Variants in SELENOF observed in about 807,000 individuals in gnomAD.
SELENOF encodes the protein selenoprotein F.
Under a neutral mutation model 20.5 loss-of-function variants are expected in SELENOF, and 16 were observed. That is an observed-to-expected ratio of 0.78 (90% CI 0.53 to 1.19). The LOEUF (loss-of-function observed/expected upper bound fraction) is 1.19, where lower values mean the gene tolerates loss of function less well. Ranked by LOEUF, SELENOF falls within the 50% of genes most tolerant of loss-of-function variation. The pLI, the probability that SELENOF is intolerant of heterozygous loss-of-function variation, is 0.00. For synonymous variants in SELENOF, 78 were observed against 74.5 expected (o/e 1.05, Z -0.24); for missense variants, 215 against 194.2 (o/e 1.11, Z -0.64).
rs1202058538 is a variant in SELENOF, at chr1:86,864,797, C to T, written c.367-1192G>A. 2.6e-5 allele frequency among the ~76,000 whole-genome samples: 4 copies of T among 151,934 alleles called. No homozygotes were observed. In the East Asian group the frequency reaches 5.8e-4, roughly 22 times the overall value. The stretch of plus-strand genomic sequence containing the variant: ...GATTACAGGCCCCTGCTACCACACC[C>T]GGCATTTTGTATTTTTAGTAGAGAT... On this transcript the variant is annotated intron_variant, in intron 4 of 4. Transcript: ENST00000331835.
chr1:86,880,009 A>G (rs1017657365), intron 3 of SELENOF, among the ~76,000 whole-genome samples: 1 of 151,386 alleles, frequency 6.6e-6, no homozygotes, highest in Non-Finnish European at 1.5e-5. Context: ...AATAAACTAC[A>G]GCGGTGTGCT....
At position 86,892,043 on chromosome 1, in the gene SELENOF, G is replaced by T. The variant is rs1659396677; in HGVS notation, c.252+11238C>A. Among the ~76,000 whole-genome samples the T allele has an allele frequency of 2.0e-5, 3 of 151,628 alleles. No individual in the cohort carries two copies. The South Asian group carries it at 6.3e-4, about 32-fold the overall frequency. On this transcript the variant is annotated intron_variant, in intron 2 of 4. Transcript: ENST00000331835. ...CCTCCCAGGTTCAAGCGATTCTCCT[G>T]CCTCAGCCTCTGGAGTAGCTGAGAT...
upstream of SELENOF, chr1:86,914,371 G>C (rs1048821448): frequency 5.7e-6 from 3 of 525,026 alleles, no homozygotes; most frequent in South Asian, 2.2e-5. Flanking sequence ...ACGACACTTC[G>C]TCAAGCAGCC....
rs534886708 is a variant in SELENOF at position 86,888,468 on chromosome 1, T to C, written c.253-7743A>G. 7.9e-5 allele frequency among the ~76,000 whole-genome samples: 12 copies of C among 152,060 alleles called. No individual in the cohort carries two copies. In the East Asian group the frequency reaches 2.3e-3, roughly 29 times the overall value. Reference sequence around the variant, plus strand: ...TTTAAAAATTTTTGTAGAGATGGGGTCTTGCTATGTTGCCCAGGTTGGTCT... The same window carrying C: ...TTTAAAAATTTTTGTAGAGATGGGGCCTTGCTATGTTGCCCAGGTTGGTCT... On this transcript the variant is annotated intron_variant, in intron 2 of 4. Coordinates refer to ENST00000331835, the MANE Select transcript of SELENOF (RefSeq NM_004261.5).
At chr1:86,899,671 G>A (rs1431474480) in intron 2 of SELENOF, among the ~76,000 whole-genome samples, 19 of 151,536 alleles carry the variant, frequency 1.3e-4, no homozygotes, top group Non-Finnish European at 2.9e-5. Context: ...CGGATGGGGC[G>A]GCTGGCCTGG....
intron 3 of SELENOF, among the ~76,000 whole-genome samples, chr1:86,876,750 T>C (rs1475403490): frequency 6.6e-6 from 1 of 152,090 alleles, no homozygotes; most frequent in Admixed American, 6.5e-5. Flanking sequence ...GTGCAGGCAG[T>C]AGAAGAGATG....
chr1:86,881,414 G>T (rs1659066196), intron 2 of SELENOF, among the ~76,000 whole-genome samples: 1 of 152,138 alleles, frequency 6.6e-6, no homozygotes, highest in Admixed American at 6.5e-5. Context: ...GGATTCAATG[G>T]TAAACACCAC....
chr1:86,892,183 G>A (rs1039714684), intron 2 of SELENOF, among the ~76,000 whole-genome samples: 3 of 151,586 alleles, frequency 2.0e-5, no homozygotes, highest in Non-Finnish European at 2.9e-5. Flanking sequence ...CCACCCCCCC[G>A]GCACGTTGCC....
At chr1:86,890,189 T>C (rs1557463717) in intron 2 of SELENOF, among the ~76,000 whole-genome samples, 1 of 152,216 alleles carries the variant, frequency 6.6e-6, no homozygotes, top group Non-Finnish European at 1.5e-5. Flanking sequence ...CTCATGCCTC[T>C]GTGCCTTTCC....
chr1:86,894,706 G>C (rs544706078), intron 2 of SELENOF, among the ~76,000 whole-genome samples: 2 of 152,104 alleles, frequency 1.3e-5, no homozygotes, highest in African/African-American at 4.8e-5. Flanking sequence ...GGGTGATGAC[G>C]CATGTCAATA....
At chr1:86,865,871 C>T (rs781681753) in intron 4 of SELENOF, among the ~76,000 whole-genome samples, 1 of 152,008 alleles carries the variant, frequency 6.6e-6, no homozygotes, top group Non-Finnish European at 1.5e-5. Flanking sequence ...ATGGAAGCAA[C>T]TCAAATGTCC....
At chr1:86,878,655 G>A (rs527933590) in intron 3 of SELENOF, among the ~76,000 whole-genome samples, 2 of 152,304 alleles carry the variant, frequency 1.3e-5, no homozygotes, top group African/African-American at 4.8e-5. Flanking sequence ...GCACTCCAGT[G>A]TGGGCGACAG....
chr1:86,871,253 A>T (rs527490545), intron 3 of SELENOF, among the ~76,000 whole-genome samples: 22 of 152,250 alleles, frequency 1.4e-4, no homozygotes, highest in Non-Finnish European at 2.9e-4. Context: ...AAATAAAAAG[A>T]TAAGGTGATA....
chr1:86,875,188 C>T (rs982632398), intron 3 of SELENOF, among the ~76,000 whole-genome samples: 2 of 151,724 alleles, frequency 1.3e-5, no homozygotes, highest in Admixed American at 6.6e-5. Context: ...TTGCAGTGAG[C>T]CGAGATCACG....
chr1:86,864,128 A>G (rs1238020613), intron 4 of SELENOF, among the ~76,000 whole-genome samples: 2 of 152,208 alleles, frequency 1.3e-5, no homozygotes, highest in East Asian at 1.9e-4. Flanking sequence ...AAATGATGGT[A>G]TAAGAGCAAT....
intron 3 of SELENOF, among the ~76,000 whole-genome samples, chr1:86,868,970 C>A (rs185022527): frequency 6.6e-6 from 1 of 152,060 alleles, no homozygotes; most frequent in Admixed American, 6.6e-5. Flanking sequence ...GCAATATGTA[C>A]AAATATACAA....
intron 4 of SELENOF, among the ~76,000 whole-genome samples, chr1:86,866,448 G>T (rs1658597952): frequency 6.6e-6 from 1 of 151,848 alleles, no homozygotes; most frequent in African/African-American, 2.4e-5. Flanking sequence ...GCTGGCAGGA[G>T]GGCGGGGGTG....
At chr1:86,892,779 C>T (rs1317359528) in intron 2 of SELENOF, among the ~76,000 whole-genome samples, 1 of 152,064 alleles carries the variant, frequency 6.6e-6, no homozygotes, top group Non-Finnish European at 1.5e-5. Flanking sequence ...TGAAAAACAC[C>T]AAGTGACAGG....
rs72945863 is a variant in SELENOF, at chr1:86,862,941, A to G, written c.*533T>C. On this transcript the variant is annotated 3_prime_UTR_variant, in exon 5 of 5. Coordinates refer to ENST00000331835, the MANE Select transcript of SELENOF (RefSeq NM_004261.5). ...ATATGTTTTACAATAATGAAGCTAC[A>G]AAGTTTTTATGCAGTGCATTCATTG... 4,075 of 152,784 alleles carry G rather than the reference A, an allele frequency of 0.027. 88 individuals carry two copies. Among genetic ancestry groups the G allele is most frequent in the African/African-American group, 0.056 (2,323 of 41,574 alleles). 9.5% of individuals were successfully genotyped at this position (152,784 alleles called of 1,614,324 possible).
Sources: gnomAD v4.1 joint callset for allele counts (sites outside exome capture counted in the v4.1 genomes callset) on GRCh38, gnomAD v4.1.1 for gene constraint, MANE v1.5 for transcripts, NCBI Gene and HGNC (gene_info 2026-07-23, HGNC 2026-07-21) for gene names.